Variants in ESCO1 observed in about 807,000 individuals in gnomAD.
ESCO1 encodes the protein N-acetyltransferase ESCO1.
ESCO1 carries 33 observed loss-of-function variants against 83.5 expected under a neutral mutation model. That is an observed-to-expected ratio of 0.40 (90% CI 0.30 to 0.53). The LOEUF (loss-of-function observed/expected upper bound fraction) is 0.53, where lower values mean the gene tolerates loss of function less well. ESCO1 is among the 20% of genes least tolerant of loss of function. The pLI is 0.63. For missense variants in ESCO1, 855 were observed against 968.0 expected (o/e 0.88, Z 1.55); for synonymous variants, 332 against 324.3 (o/e 1.02, Z -0.25).
intron 2 of ESCO1, among the ~76,000 whole-genome samples, chr18:21,576,322 T>C (rs1236524005): frequency 1.3e-5 from 2 of 151,986 alleles, no homozygotes; most frequent in Non-Finnish European, 2.9e-5. Context: ...CTGGAGAATA[T>C]AGCAAGATTC....
At chr18:21,563,227 T>C (rs923875477) in intron 7 of ESCO1, among the ~76,000 whole-genome samples, 2 of 152,072 alleles carry the variant, frequency 1.3e-5, no homozygotes, top group South Asian at 2.1e-4. Context: ...AGTGATCAAA[T>C]GACAAATCTA....
chr18:21,592,846 C>T (rs866973996), intron 1 of ESCO1, among the ~76,000 whole-genome samples: 1 of 145,036 alleles, frequency 6.9e-6, no homozygotes, highest in South Asian at 2.2e-4. Flanking sequence ...GGGCGGTTGC[C>T]GGGCAGAGGG....
chr18:21,554,569 C>A (rs569183943), intron 8 of ESCO1, among the ~76,000 whole-genome samples: 10 of 152,196 alleles, frequency 6.6e-5, no homozygotes, highest in African/African-American at 2.2e-4. Context: ...GAGTTCAAGA[C>A]CAGCCTGGCC....
intron 1 of ESCO1, among the ~76,000 whole-genome samples, chr18:21,592,384 C>A (rs1230467059): frequency 1.3e-5 from 2 of 148,426 alleles, no homozygotes; most frequent in Non-Finnish European, 3.0e-5. Context: ...GGGACTGACC[C>A]CCCCCACCTC....
At chr18:21,589,234 G>A (rs2038626207) in intron 1 of ESCO1, among the ~76,000 whole-genome samples, 2 of 146,524 alleles carry the variant, frequency 1.4e-5, no homozygotes, top group Non-Finnish European at 3.0e-5. Flanking sequence ...GCAAGACTCC[G>A]TCTCAAAAAA....
Position 21,574,205 on chromosome 18 carries a change from A to G in ESCO1, c.639T>C (p.Ala213=), listed in dbSNP as rs34655573. 1 of 1,613,938 alleles carries G rather than the reference A, an allele frequency of 6.2e-7. No individual in the cohort carries two copies. Reference sequence around the variant, plus strand: ...GCGTGCATTGAGAACTACAAGCACAAGCTGTCTGATGTTCTACCTTGCGTT... The same window carrying G: ...GCGTGCATTGAGAACTACAAGCACAGGCTGTCTGATGTTCTACCTTGCGTT... ...GKKRKVEHQT[A]CACSSQCTQG... The change falls in exon 4 of 12, where the codon GCT becomes GCC. Residue 213 remains alanine (A), a synonymous_variant. Transcript: ENST00000269214.
chr18:21,584,692 T>G (rs114578644), intron 1 of ESCO1, among the ~76,000 whole-genome samples: 2,261 of 152,032 alleles, frequency 0.015, 59 homozygotes, highest in African/African-American at 0.052. Flanking sequence ...TGCTGGCACG[T>G]CTGTAAGTCC....
chr18:21,560,938 A>G lies in ESCO1; in HGVS notation c.1874T>C (p.Leu625Pro). ...GAVSCNVCGM[L>P]YTASNPEDET... ...ATCTTCTGGATTTGAAGCTGTATAC[A>G]GCATTCCACAAACATTACAAGAAAC... Residue 625 changes from leucine (L) to proline (P), a missense_variant, in exon 8 of 12, where the codon CTG becomes CCG. Coordinates refer to ENST00000269214, the MANE Select transcript of ESCO1 (RefSeq NM_052911.3). The G allele has an allele frequency of 6.2e-7, 1 of 1,607,850 alleles. No homozygotes were observed. Among genetic ancestry groups the G allele is most frequent in the Non-Finnish European group, 8.5e-7 (1 of 1,177,854 alleles).
At chr18:21,596,068 T>TA (rs1164560522) in intron 1 of ESCO1, among the ~76,000 whole-genome samples, 8 of 151,964 alleles carry the variant, frequency 5.3e-5, no homozygotes, top group African/African-American at 1.9e-4. Flanking sequence ...AAGTTAAATT[T>TA]AATCCTCTCC....
intron 1 of ESCO1, among the ~76,000 whole-genome samples, chr18:21,585,248 A>G (rs2038558873): frequency 6.6e-6 from 1 of 151,928 alleles, no homozygotes; most frequent in Non-Finnish European, 1.5e-5. Context: ...TCCCACCTCC[A>G]TGAGAGAATT....
At chr18:21,554,612 T>A (rs917603973) in intron 8 of ESCO1, among the ~76,000 whole-genome samples, 2 of 151,614 alleles carry the variant, frequency 1.3e-5, no homozygotes, top group Non-Finnish European at 2.9e-5. Flanking sequence ...ACTAAAAAAA[T>A]AAAAATAAAA....
chr18:21,569,975 T>G (rs1420755661), intron 4 of ESCO1, among the ~76,000 whole-genome samples: 1 of 152,236 alleles, frequency 6.6e-6, no homozygotes, highest in Admixed American at 6.5e-5. Flanking sequence ...GCACCTTGAA[T>G]ACAGCAGGCA....
chr18:21,533,947 C>A (rs948343021), intron 10 of ESCO1, among the ~76,000 whole-genome samples: 1 of 152,048 alleles, frequency 6.6e-6, no homozygotes, highest in Admixed American at 6.6e-5. Context: ...CTATGCTGCC[C>A]ATGCTGGAGT....
Position 21,574,068 on chromosome 18 carries a change from T to C in ESCO1, c.776A>G (p.Lys259Arg). The change falls in exon 4 of 12, where the codon AAG becomes AGG. Residue 259 changes from lysine (K) to arginine (R), a missense_variant. Lys to Arg is a conservative substitution (Grantham distance 26). Coordinates refer to ENST00000269214, the MANE Select transcript of ESCO1 (RefSeq NM_052911.3). ...SKMATSVVPK[K>R]NEMKKSVHTQ... ...ATGAACCGACTTCTTCATCTCATTC[T>C]TTTTCGGGACCACTGAAGTAGCCAT... 6.2e-7 allele frequency: 1 copy of C among 1,612,676 alleles called. No homozygotes were observed. Among genetic ancestry groups the C allele is most frequent in the Non-Finnish European group, 8.5e-7 (1 of 1,179,990 alleles).
intron 8 of ESCO1, among the ~76,000 whole-genome samples, chr18:21,553,947 C>G (rs2038080251): frequency 6.7e-6 from 1 of 150,262 alleles, no homozygotes; most frequent in African/African-American, 2.4e-5. Flanking sequence ...AGAAAACAGC[C>G]TGATTGAAAA....
At chr18:21,542,519 T>A (rs1435144059) in intron 8 of ESCO1, among the ~76,000 whole-genome samples, 1 of 152,196 alleles carries the variant, frequency 6.6e-6, no homozygotes, top group East Asian at 1.9e-4. Flanking sequence ...ATCACCTCCA[T>A]CACTTGGGTA....
chr18:21,552,827 T>A (rs1392360181), intron 8 of ESCO1, among the ~76,000 whole-genome samples: 1 of 152,134 alleles, frequency 6.6e-6, no homozygotes, highest in East Asian at 1.9e-4. Context: ...CTCACAAAAA[T>A]TAACTCAAAA....
chr18:21,595,364 C>CAA (rs781532392), intron 1 of ESCO1, among the ~76,000 whole-genome samples: 111 of 43,436 alleles, frequency 2.6e-3, no homozygotes, highest in Non-Finnish European at 4.1e-3. Context: ...AACTCCGTCT[C>CAA]AAAAAAAAAA....
At chr18:21,600,005 A>AC (rs1377622970) in intron 1 of ESCO1, among the ~76,000 whole-genome samples, 15 of 151,876 alleles carry the variant, frequency 9.9e-5, no homozygotes, top group Admixed American at 7.2e-4. Context: ...CTGTGCCGAG[A>AC]CCCCCATTTG....
Sources: gnomAD v4.1 joint callset for allele counts (sites outside exome capture counted in the v4.1 genomes callset) on GRCh38, gnomAD v4.1.1 for gene constraint, MANE v1.5 for transcripts, NCBI Gene and HGNC (gene_info 2026-07-23, HGNC 2026-07-21) for gene names.